Variants in WASHC2A observed in about 807,000 individuals in gnomAD.
The protein encoded by WASHC2A is WASH complex subunit 2A.
Under a neutral mutation model 140.3 loss-of-function variants are expected in WASHC2A, and 82 were observed. The ratio of observed to expected loss-of-function variants is 0.58; its 90% confidence interval spans 0.49 to 0.70. The LOEUF is 0.70. Among genes scored for constraint, WASHC2A ranks in the 30% least tolerant of loss-of-function variants. The pLI is 0.00. For synonymous variants in WASHC2A, 340 were observed against 560.8 expected, an observed-to-expected ratio of 0.61 and a Z score of 5.56; for missense variants, 985 against 1,521.8, an observed-to-expected ratio of 0.65 and a Z score of 5.87.
At chr10:50,089,939 G>GTC (rs1281094362) in intron 8 of WASHC2A, among the ~76,000 whole-genome samples, 4 of 151,168 alleles carry the variant, frequency 2.6e-5, no homozygotes, top group Admixed American at 2.6e-4. Context: ...GTGAAACCCC[G>GTC]TCTCTACCAA....
chr10:50,109,272 T>C (rs1842060509), intron 19 of WASHC2A, among the ~76,000 whole-genome samples: 1 of 152,230 alleles, frequency 6.6e-6, no homozygotes, highest in Non-Finnish European at 1.5e-5. Context: ...CGAGTAGAAT[T>C]TCCTTAAATG....
chr10:50,123,090 A>G (rs1417299073), intron 23 of WASHC2A, among the ~76,000 whole-genome samples: 2 of 136,324 alleles, frequency 1.5e-5, no homozygotes, highest in Admixed American at 7.6e-5. Context: ...AAAAAAAAAA[A>G]GGGAAGTAAC....
chr10:50,068,145 C>T lies in WASHC2A; in HGVS notation c.44C>T (p.Ser15Leu), dbSNP rs1430215619. 2 of 1,602,200 alleles carry T rather than the reference C, an allele frequency of 1.2e-6. No individual in the cohort carries two copies. The highest frequency in any genetic ancestry group is 1.7e-6 in the Non-Finnish European group (2 of 1,175,136). ...TTPDQELAPA[S>L]EPVWERPWSV... ...CCCGACCAGGAGCTGGCGCCAGCGT[C>T]GGAGCCCGTGTGGGAGCGGCCGTGG... Residue 15 changes from serine to leucine, a missense_variant, in exon 2 of 31, where the codon TCG (serine) becomes TTG (leucine). Ser to Leu is a moderately radical substitution (Grantham distance 145). Coordinates refer to ENST00000282633, the MANE Select transcript of WASHC2A (RefSeq NM_001005751.3).
Position 50,080,751 on chromosome 10 carries a change from T to C in WASHC2A, c.355-7T>C. ...GAGACCCATACTGCATGGTATTTAT[T>C]TTGTAGGAGAAGACACGAGAGCAGA... On this transcript the variant is annotated splice_polypyrimidine_tract_variant and splice_region_variant and intron_variant, in intron 4 of 30. Transcript: ENST00000282633. 1 of 444,064 alleles carries C rather than the reference T, an allele frequency of 2.3e-6. No individual in the cohort carries two copies. The highest frequency in any genetic ancestry group is 3.8e-6 in the Non-Finnish European group (1 of 265,268). The allele number at this position is 444,064 out of a possible 1,614,324, so 27.5% of individuals were successfully genotyped here. A position where few individuals can be genotyped will look rare whatever the true frequency, so the allele number is the denominator to read the frequency against.
chr10:50,105,599 C>G (rs1346791964), intron 18 of WASHC2A, among the ~76,000 whole-genome samples: 4 of 149,158 alleles, frequency 2.7e-5, no homozygotes, highest in African/African-American at 7.4e-5. Context: ...CTCCCTTCAT[C>G]CATCTTCACA....
intron 20 of WASHC2A, among the ~76,000 whole-genome samples, chr10:50,111,768 G>A (rs1308577392): frequency 3.3e-5 from 5 of 152,192 alleles, no homozygotes; most frequent in Non-Finnish European, 5.9e-5. Flanking sequence ...AGTGGCTCAC[G>A]CCTGTAATCC....
rs1422300585 is a variant in WASHC2A at position 50,110,239 on chromosome 10, G to T, written c.2008G>T (p.Glu670Ter). 11 of 1,611,812 alleles carry T rather than the reference G, an allele frequency of 6.8e-6. No individual in the cohort carries two copies. The highest frequency in any genetic ancestry group is 9.3e-6 in the Non-Finnish European group (11 of 1,179,850). Residue 670 changes from glutamate (E) to a stop codon, truncating the protein, a stop_gained, in exon 20 of 31, where the codon GAA becomes TAA. Coordinates refer to ENST00000282633, the MANE Select transcript of WASHC2A (RefSeq NM_001005751.3). LOFTEE classifies it high-confidence loss of function. ...KKTSLFEEDE[E>*]DDLFAIAKDS... ...GACCAGTCTCTTTGAGGAAGACGAA[G>T]AAGATGATCTTTTTGCCATTGCCAA...
intron 13 of WASHC2A, 68 bp downstream of exon 13, chr10:50,093,985 T>A: frequency 2.5e-6 from 4 of 1,604,614 alleles, no homozygotes; most frequent in Non-Finnish European, 3.4e-6. Context: ...CACTAGGAGA[T>A]GGAACAAGGT....
At chr10:50,125,569 A>C (rs1564807915) in intron 25 of WASHC2A, 120 bp downstream of exon 25, 1 of 1,601,968 alleles carries the variant, frequency 6.2e-7, no homozygotes. Context: ...CTACTAAATG[A>C]ATGGCAAATA....
intron 23 of WASHC2A, among the ~76,000 whole-genome samples, chr10:50,121,147 T>G (rs1385724179): frequency 6.7e-6 from 1 of 150,030 alleles, no homozygotes; most frequent in Non-Finnish European, 1.5e-5. Flanking sequence ...AAGCAGGCCA[T>G]GTAGGTGAGA....
rs1564813407 is a variant in WASHC2A at position 50,129,599 on chromosome 10, G to C, written c.3268G>C (p.Asp1090His). The C allele has an allele frequency of 6.2e-7, 1 of 1,612,088 alleles. No homozygotes were observed. The highest frequency in any genetic ancestry group is 8.5e-7 in the Non-Finnish European group (1 of 1,179,874). Residue 1090 changes from aspartate to histidine, a missense_variant, in exon 29 of 31, where the codon GAC (aspartate) becomes CAC (histidine). Physicochemically the swap from Asp to His is moderately conservative, Grantham distance 81. Transcript: ENST00000282633. ...ACAGCTCAGAGCAGCCAGTGGAGAA[G>C]ACAGCACTGAGGAGGCCCTGGCAGC... ...RPQLRAASGE[D>H]STEEALAAAA...
At chr10:50,086,595 C>T (rs1361602622) in intron 7 of WASHC2A, among the ~76,000 whole-genome samples, 3 of 115,138 alleles carry the variant, frequency 2.6e-5, no homozygotes, top group African/African-American at 6.6e-5. Flanking sequence ...TCCCTCCCCC[C>T]TCCCCCCACC....
At chr10:50,103,207 A>G (rs1202379008) in intron 17 of WASHC2A, among the ~76,000 whole-genome samples, 2 of 151,904 alleles carry the variant, frequency 1.3e-5, no homozygotes, top group African/African-American at 2.4e-5. Flanking sequence ...ATATACCTAT[A>G]GTTAAGCTAA....
intron 16 of WASHC2A, among the ~76,000 whole-genome samples, chr10:50,099,337 A>G (rs1465479339): frequency 6.7e-6 from 1 of 149,062 alleles, no homozygotes; most frequent in African/African-American, 2.5e-5. Flanking sequence ...TGGTACAATC[A>G]CAGCTCACTG....
chr10:50,091,473 C>T lies in WASHC2A; in HGVS notation c.886C>T (p.Arg296Cys), dbSNP rs1460691915. 1,140 of 1,550,640 alleles carry T rather than the reference C, an allele frequency of 7.4e-4. 6 individuals carry two copies. Among genetic ancestry groups the T allele is most frequent in the Middle Eastern group, 6.9e-3 (30 of 4,360 alleles). ...ATCGTTTGCAGATGAGCTGGCTGCC[C>T]GCATCAAGGGGGATGCCGTGGGTCG... is the stretch of plus-strand genomic sequence containing the variant. ...PTSFADELAARIKGDAVGRVD... is the reference protein window; with the variant it reads ...PTSFADELAACIKGDAVGRVD... The change falls in exon 10 of 31, where the codon CGC becomes TGC. Residue 296 changes from arginine to cysteine, a missense_variant. By Grantham distance (180) the Arg-to-Cys change is radical. Transcript: ENST00000282633.
At chr10:50,070,445 G>A (rs533881142) in intron 3 of WASHC2A, among the ~76,000 whole-genome samples, 1 of 152,238 alleles carries the variant, frequency 6.6e-6, no homozygotes, top group East Asian at 1.9e-4. Flanking sequence ...TTCATTTGTG[G>A]AAAAAGGATT....
intron 28 of WASHC2A, 99 bp from the exon 29 acceptor site, chr10:50,129,320 G>T (rs1461488464): frequency 6.2e-7 from 1 of 1,600,132 alleles, no homozygotes; most frequent in Non-Finnish European, 8.5e-7. Context: ...AAGTAGACCA[G>T]ATAACCTTAC....
At chr10:50,125,051 T>A in intron 23 of WASHC2A, 62 bp from the exon 24 acceptor site, 2 of 1,540,500 alleles carry the variant, frequency 1.3e-6, no homozygotes, top group Non-Finnish European at 8.7e-7. Flanking sequence ...TTTACATATG[T>A]AACTTCCTTG....
intron 20 of WASHC2A, among the ~76,000 whole-genome samples, chr10:50,110,490 T>G (rs2132870965): frequency 6.6e-6 from 1 of 151,824 alleles, no homozygotes; most frequent in East Asian, 1.9e-4. Flanking sequence ...CCAATCATTA[T>G]TTTTTAACCA....
Sources: gnomAD v4.1 joint callset for allele counts (sites outside exome capture counted in the v4.1 genomes callset) on GRCh38, gnomAD v4.1.1 for gene constraint, MANE v1.5 for transcripts, NCBI Gene and HGNC (gene_info 2026-07-23, HGNC 2026-07-21) for gene names.